Variants in TUFM observed in about 807,000 individuals in gnomAD.
The protein encoded by TUFM is elongation factor Tu, mitochondrial.
In TUFM, 23 loss-of-function variants were observed where a neutral mutation model predicts 45.0. The ratio of observed to expected loss-of-function variants is 0.51; its 90% CI spans 0.37 to 0.72. The LOEUF (loss-of-function observed/expected upper bound fraction) is 0.72, where lower values mean the gene tolerates loss of function less well. Ranked by LOEUF, TUFM falls within the 30% of genes least tolerant of loss-of-function variation. The probability of loss-of-function intolerance (pLI) is 0.00; values close to 1 mark genes in which losing one functional copy is unlikely to be tolerated. For synonymous variants in TUFM, 243 were observed against 252.9 expected (o/e 0.96, Z 0.37); for missense variants, 490 against 610.7 (o/e 0.80, Z 2.08).
rs1239746707 is a variant in TUFM, at chr16:28,844,628, A to G, written c.684+70T>C. 9.9e-6 allele frequency: 16 copies of G among 1,613,652 alleles called. No homozygotes were observed. In the Admixed American group the frequency reaches 2.7e-4, roughly 27 times the overall value. ...TTATCAAGAGCCACTTCCCAGACAC[A>G]AAGCAGAGCTCTGGGTGCCCATCCA... On this transcript the variant is annotated intron_variant, in intron 5 of 9. Coordinates refer to ENST00000313511, the MANE Select transcript of TUFM (RefSeq NM_003321.5). The surrounding 1 kb of genome is among the most constrained non-coding windows in gnomAD (Gnocchi z 5.8).
chr16:28,844,808 A>G lies in TUFM; in HGVS notation c.574T>C (p.Ser192Pro), dbSNP rs147545456. The G allele has an allele frequency of 4.0e-5, 64 of 1,614,026 alleles. No homozygotes were observed. The African/African-American group carries it at 8.3e-4, about 21-fold the overall frequency. ...YVNKADAVQD[S>P]EMVELVELEI... ...AGTTCCACCAGTTCCACCATCTCAG[A>G]GTCCTGGACAGCGTCAGCCTTGTTC... is the stretch of plus-strand genomic sequence containing the variant. The change falls in exon 5 of 10, where the codon TCT (serine) becomes CCT (proline). Residue 192 changes from serine to proline, a missense_variant. By Grantham distance (74) the Ser-to-Pro change is moderately conservative. Transcript: ENST00000313511. The surrounding 1 kb of genome is among the most constrained non-coding windows in gnomAD (Gnocchi z 5.8).
chr16:28,844,730 C>G lies in TUFM; in HGVS notation c.652G>C (p.Val218Leu). 6.2e-7 allele frequency: 1 copy of G among 1,614,206 alleles called. No homozygotes were observed. Among genetic ancestry groups the G allele is most frequent in the Non-Finnish European group, 8.5e-7 (1 of 1,180,048 alleles). ...GCACAGAGAGCAGAGCCTACGATGACTGGGGTCTCCTCCCCTTTATAGCCA... is the reference window on the plus strand; with the variant it reads ...GCACAGAGAGCAGAGCCTACGATGAGTGGGGTCTCCTCCCCTTTATAGCCA... ...EFGYKGEETP[V>L]IVGSALCALE... The change falls in exon 5 of 10, where the codon GTC becomes CTC. Residue 218 changes from valine (V) to leucine (L), a missense_variant. Coordinates refer to ENST00000313511, the MANE Select transcript of TUFM (RefSeq NM_003321.5). This position sits in a 1 kb window ranked among gnomAD's most constrained non-coding sequence, Gnocchi z 5.8.
Position 28,844,353 on chromosome 16 carries a change from G to A in TUFM, c.818-19C>T, listed in dbSNP as rs1298878412. On this transcript the variant is annotated intron_variant, in intron 6 of 9. Coordinates refer to ENST00000313511, the MANE Select transcript of TUFM (RefSeq NM_003321.5). This position sits in a 1 kb window ranked among gnomAD's most constrained non-coding sequence, Gnocchi z 5.8. ...CCACGGCCTGGGAGGGAATAAGACAGGATATCAGGGACCCCGAGCTAGGCT... is the reference window on the plus strand; with the variant it reads ...CCACGGCCTGGGAGGGAATAAGACAAGATATCAGGGACCCCGAGCTAGGCT... 1 of 1,614,066 alleles carries A rather than the reference G, an allele frequency of 6.2e-7. No homozygotes were observed. Among genetic ancestry groups the A allele is most frequent in the Non-Finnish European group, 8.5e-7 (1 of 1,180,034 alleles).
chr16:28,845,787 T>C (rs1961934703), intron 2 of TUFM, 125 bp downstream of exon 2: 2 of 1,201,660 alleles, frequency 1.7e-6, no homozygotes, highest in African/African-American at 1.5e-5. Flanking sequence ...AATCCACCTG[T>C]CGCACAAATT....
Position 28,844,391 on chromosome 16 carries a change from A to T in TUFM, c.817+28T>A, listed in dbSNP as rs1567453773. 3.1e-6 allele frequency: 5 copies of T among 1,614,166 alleles called. No individual in the cohort carries two copies. Among genetic ancestry groups the T allele is most frequent in the Non-Finnish European group, 2.5e-6 (3 of 1,180,014 alleles). On this transcript the variant is annotated intron_variant, in intron 6 of 9. Coordinates refer to ENST00000313511, the MANE Select transcript of TUFM (RefSeq NM_003321.5). The surrounding 1 kb of genome is among the most constrained non-coding windows in gnomAD (Gnocchi z 5.8). Reference sequence around the variant, plus strand: ...CCCGAGCTAGGCTTCTGCTAGAGAGAGTGCGTGGGAACAGACAGAGTCCTC... The same window carrying T: ...CCCGAGCTAGGCTTCTGCTAGAGAGTGTGCGTGGGAACAGACAGAGTCCTC...
chr16:28,843,635 A>G (rs2152146522), intron 9 of TUFM, 101 bp downstream of exon 9: 5 of 1,540,816 alleles, frequency 3.2e-6, no homozygotes, highest in Non-Finnish European at 4.4e-6. Context: ...TAAGGAAATA[A>G]AGCCACTCGG....
rs1961836174 is a variant in TUFM, at chr16:28,842,858, A to G, written c.*117T>C. 6 of 1,368,370 alleles carry G rather than the reference A, an allele frequency of 4.4e-6. No homozygotes were observed. Among genetic ancestry groups the G allele is most frequent in the South Asian group, 3.5e-5 (3 of 85,318 alleles). The allele number at this position is 1,368,370 out of a possible 1,614,324, so 84.8% of individuals were successfully genotyped here. A position where few individuals can be genotyped will look rare whatever the true frequency, so the allele number is the denominator to read the frequency against. ...ACCCTTCCGAGCAGGGGAAATGTCC[A>G]TCTAGCTGCCCTCTGCTGGGTTGCA... On this transcript the variant is annotated 3_prime_UTR_variant, in exon 10 of 10. Transcript: ENST00000313511.
In TUFM at chr16:28,844,712, G is replaced by C; in HGVS notation, c.670C>G (p.Leu224Val). Residue 224 changes from leucine to valine, a missense_variant, in exon 5 of 10, where the codon CTC becomes GTC. By Grantham distance (32) the Leu-to-Val change is conservative. Transcript: ENST00000313511. The surrounding 1 kb of genome is among the most constrained non-coding windows in gnomAD (Gnocchi z 5.8). The part of the protein sequence containing the change: ...EETPVIVGSA[L>V]CALEGRDPEL... ...CCCGCGTTCACCTCAAGGGCACAGA[G>C]AGCAGAGCCTACGATGACTGGGGTC... The C allele has an allele frequency of 6.2e-7, 1 of 1,614,160 alleles. No homozygotes were observed. Among genetic ancestry groups the C allele is most frequent in the Non-Finnish European group, 8.5e-7 (1 of 1,179,998 alleles).
rs774485073 is a variant in TUFM, at chr16:28,844,664, C to A, written c.684+34G>T. The A allele has an allele frequency of 3.2e-5, 52 of 1,614,050 alleles. No individual in the cohort carries two copies. The highest frequency in any genetic ancestry group is 4.0e-5 in the Non-Finnish European group (47 of 1,180,046). Reference sequence around the variant, plus strand: ...CTGGGTGCCCATCCAGCCCCACCCTCTGCAGCAGCTGCCCTGCCTGACCCC... The same window carrying A: ...CTGGGTGCCCATCCAGCCCCACCCTATGCAGCAGCTGCCCTGCCTGACCCC... On this transcript the variant is annotated intron_variant, in intron 5 of 9. Coordinates refer to ENST00000313511, the MANE Select transcript of TUFM (RefSeq NM_003321.5). The surrounding 1 kb of genome is among the most constrained non-coding windows in gnomAD (Gnocchi z 5.8).
In TUFM at chr16:28,845,034, G is replaced by A; in HGVS notation, c.436C>T (p.Pro146Ser). The change falls in exon 4 of 10, where the codon CCC becomes TCC. Residue 146 changes from proline (P) to serine (S), a missense_variant. Coordinates refer to ENST00000313511, the MANE Select transcript of TUFM (RefSeq NM_003321.5). ...ACCACCAGGATGCAGCCGTCGAGGG[G>A]TGCAGTGCCTGTGATCATATTCTGG... ...YVKNMITGTA[P>S]LDGCILVVAA... The A allele has an allele frequency of 6.2e-7, 1 of 1,614,150 alleles. No homozygotes were observed.
chr16:28,844,186 C>A lies in TUFM; in HGVS notation c.922+44G>T, dbSNP rs558758663. ...GCACAAGGGATCTGCCGGGGTAAGG[C>A]CACCCTTCAGCCAGGCCCTGCTCTC... is the stretch of plus-strand genomic sequence containing the variant. On this transcript the variant is annotated intron_variant, in intron 7 of 9. Transcript: ENST00000313511. The surrounding 1 kb of genome is among the most constrained non-coding windows in gnomAD (Gnocchi z 5.8). 1 of 1,613,540 alleles carries A rather than the reference C, an allele frequency of 6.2e-7. No individual in the cohort carries two copies. Among genetic ancestry groups the A allele is most frequent in the African/African-American group, 1.3e-5 (1 of 75,034 alleles).
chr16:28,845,828 A>G, intron 2 of TUFM, 84 bp downstream of exon 2: 17 of 1,554,844 alleles, frequency 1.1e-5, no homozygotes, highest in Non-Finnish European at 1.5e-5. Context: ...AAACTCCTCC[A>G]GCAGACACTC....
In TUFM at chr16:28,844,531, G is replaced by A; in HGVS notation, c.705C>T (p.Gly235=). ...CCAGTAGCTTCTGCACAGACTTCAG[G>A]CCTAACTCAGGGTCCCGACCCTGTT... ...CALEGRDPEL[G]LKSVQKLLDA... Residue 235 remains glycine, a synonymous_variant, in exon 6 of 10, where the codon GGC becomes GGT. Transcript: ENST00000313511. The surrounding 1 kb of genome is among the most constrained non-coding windows in gnomAD (Gnocchi z 5.8). 1 of 1,613,804 alleles carries A rather than the reference G, an allele frequency of 6.2e-7. No homozygotes were observed.
At position 28,846,105 on chromosome 16, in the gene TUFM, A is replaced by G; in HGVS notation, c.54T>C (p.Gly18=). The G allele has an allele frequency of 5.0e-6, 8 of 1,613,164 alleles. No individual in the cohort carries two copies. The highest frequency in any genetic ancestry group is 6.8e-6 in the Non-Finnish European group (8 of 1,179,762). ...GCAGGAAGGTCCGGCCGGCGGCGAGACCTGCCGGGACCGAAGCTTGGAGTC... is the reference window on the plus strand; with the variant it reads ...GCAGGAAGGTCCGGCCGGCGGCGAGGCCTGCCGGGACCGAAGCTTGGAGTC... ...TLLRATPHFS[G]LAAGRTFLLQ... The change falls in exon 2 of 10, where the codon GGT becomes GGC. Residue 18 remains glycine, a splice_region_variant and synonymous_variant. Coordinates refer to ENST00000313511, the MANE Select transcript of TUFM (RefSeq NM_003321.5).
At position 28,844,966 on chromosome 16, in the gene TUFM, T is replaced by C; in HGVS notation, c.504A>G (p.Leu168=). The change falls in exon 4 of 10, where the codon TTA becomes TTG. Residue 168 remains leucine, a synonymous_variant. Transcript: ENST00000313511. This position sits in a 1 kb window ranked among gnomAD's most constrained non-coding sequence, Gnocchi z 5.8. ...DGPMPQTREH[L]LLARQIGVEH... ...CTCTGAGTACCTGTCTGGCCAGTAA[T>C]AAGTGCTCTCGGGTCTGGGGCATGG... 1.9e-6 allele frequency: 3 copies of C among 1,614,146 alleles called. No individual in the cohort carries two copies. Among genetic ancestry groups the C allele is most frequent in the Non-Finnish European group, 2.5e-6 (3 of 1,180,022 alleles).
Position 28,846,117 on chromosome 16 carries a change from C to G in TUFM, c.53-11G>C, listed in dbSNP as rs369996438. ...GGCCGGCGGCGAGACCTGCCGGGAC[C>G]GAAGCTTGGAGTCAGGCAGGGAAGG... is the stretch of plus-strand genomic sequence containing the variant. On this transcript the variant is annotated splice_polypyrimidine_tract_variant and intron_variant, in intron 1 of 9. Coordinates refer to ENST00000313511, the MANE Select transcript of TUFM (RefSeq NM_003321.5). The G allele has an allele frequency of 2.8e-4, 452 of 1,613,364 alleles. No individual in the cohort carries two copies. The highest frequency in any genetic ancestry group is 3.6e-4 in the Non-Finnish European group (422 of 1,179,746).
chr16:28,846,109 G>A lies in TUFM; in HGVS notation c.53-3C>T. ...GAAGGTCCGGCCGGCGGCGAGACCTGCCGGGACCGAAGCTTGGAGTCAGGC... is the reference window on the plus strand; with the variant it reads ...GAAGGTCCGGCCGGCGGCGAGACCTACCGGGACCGAAGCTTGGAGTCAGGC... On this transcript the variant is annotated splice_polypyrimidine_tract_variant and splice_region_variant and intron_variant, in intron 1 of 9. Transcript: ENST00000313511. The A allele has an allele frequency of 6.2e-7, 1 of 1,613,470 alleles. No individual in the cohort carries two copies. Among genetic ancestry groups the A allele is most frequent in the Non-Finnish European group, 8.5e-7 (1 of 1,179,812 alleles).
At chr16:28,843,663 T>TA in intron 9 of TUFM, 73 bp downstream of exon 9, 1 of 1,600,482 alleles carries the variant, frequency 6.2e-7, no homozygotes. Context: ...CAGTGTATCT[T>TA]TGGAACTATG....
chr16:28,845,591 A>C, intron 2 of TUFM, 111 bp from the exon 3 acceptor site: 2 of 1,323,722 alleles, frequency 1.5e-6, no homozygotes, highest in Non-Finnish European at 2.1e-6. Flanking sequence ...TCCAATCTCT[A>C]ACTCTTCCAG....
Sources: gnomAD v4.1 joint callset for allele counts on GRCh38, gnomAD v4.1.1 for gene constraint, Gnocchi (gnomAD v3.1) non-coding constraint, MANE v1.5 for transcripts, NCBI Gene and HGNC (gene_info 2026-07-23, HGNC 2026-07-21) for gene names.